NPAS3: variants seen among roughly 807,000 people sequenced by gnomAD.
NPAS3 encodes the protein neuronal PAS domain protein 3.
A neutral mutation model predicts 73.1 loss-of-function variants in NPAS3; 14 were observed. The ratio of observed to expected loss-of-function variants is 0.19; its 90% confidence interval spans 0.13 to 0.30. NPAS3 has a LOEUF of 0.30. NPAS3 is among the 10% of genes least tolerant of loss of function. The pLI is 1.00. For synonymous variants in NPAS3, 620 were observed against 541.5 expected, an observed-to-expected ratio of 1.14 and a Z score of -2.01; for missense variants, 1,096 against 1,250.0, an observed-to-expected ratio of 0.88 and a Z score of 1.86.
At chr14:33,746,450 G>A (rs2061800148) in intron 7 of NPAS3, among the ~76,000 whole-genome samples, 1 of 150,138 alleles carries the variant, frequency 6.7e-6, no homozygotes, top group Admixed American at 6.6e-5. Flanking sequence ...GCCTCCCAAA[G>A]TGCTAGGATT....
At chr14:33,692,232 G>A (rs1295753844) in intron 6 of NPAS3, among the ~76,000 whole-genome samples, 2 of 152,154 alleles carry the variant, frequency 1.3e-5, no homozygotes, top group African/African-American at 4.8e-5. Flanking sequence ...CTGAAGTGAG[G>A]TGGAAAAGAG....
chr14:33,435,838 T>A (rs897775291), intron 4 of NPAS3, among the ~76,000 whole-genome samples: 3 of 152,030 alleles, frequency 2.0e-5, no homozygotes, highest in African/African-American at 7.3e-5. Context: ...CATGATCATC[T>A]TCATCATCAT....
At chr14:33,607,171 G>A (rs1008002649) in intron 5 of NPAS3, among the ~76,000 whole-genome samples, 1 of 152,098 alleles carries the variant, frequency 6.6e-6, no homozygotes, top group Non-Finnish European at 1.5e-5. Context: ...CCACTCCTAG[G>A]TATTTAAGAG....
intron 4 of NPAS3, among the ~76,000 whole-genome samples, chr14:33,529,062 A>G (rs2053927199): frequency 1.3e-5 from 2 of 152,126 alleles, no homozygotes; most frequent in Non-Finnish European, 2.9e-5. Flanking sequence ...ACACAGCTAA[A>G]CAAGGTAAAA....
Position 33,301,323 on chromosome 14 carries a change from T to TATATATATATATA in NPAS3, c.386-65863_386-65862insATATATATATATA, listed in dbSNP as rs1555370644. ...TTTTATCATTATATATATATATATA[T>TATATATATATATA]TTTTTTTTTTTAAATCTAGCTGTAA... On this transcript the variant is annotated intron_variant, in intron 3 of 11. Transcript: ENST00000356141. 2.5e-4 allele frequency among the ~76,000 whole-genome samples: 20 copies of TATATATATATATA among 81,528 alleles called. 1 individual carries two copies. The highest frequency in any genetic ancestry group is 4.2e-4 in the Admixed American group (3 of 7,068). 53.5% of individuals were successfully genotyped at this position (81,528 alleles called of 152,430 possible).
rs145315567 is a variant in NPAS3, at chr14:33,253,209, A to G, written c.385+37783A>G. Among the ~76,000 whole-genome samples, 701 of 152,204 alleles carry G rather than the reference A, an allele frequency of 4.6e-3. 3 individuals are homozygous for G. The highest frequency in any genetic ancestry group is 0.016 in the African/African-American group (655 of 41,536). On this transcript the variant is annotated intron_variant, in intron 3 of 11. Transcript: ENST00000356141. ...TTGAGAAGTCTTCATGCTGTTTTCC[A>G]TAGAGGCTGAACTAATTTACATTCT...
chr14:33,524,457 A>T (rs2053700994), intron 4 of NPAS3, among the ~76,000 whole-genome samples: 1 of 152,180 alleles, frequency 6.6e-6, no homozygotes, highest in African/African-American at 2.4e-5. Flanking sequence ...TAATTTTTAC[A>T]AAAGAGGAAA....
upstream of NPAS3, among the ~76,000 whole-genome samples, chr14:32,938,399 A>G (rs961824521): frequency 1.3e-5 from 2 of 150,420 alleles, no homozygotes; most frequent in Non-Finnish European, 3.0e-5. Context: ...AGTGTTTGAA[A>G]CTGCAACTGA....
intron 2 of NPAS3, among the ~76,000 whole-genome samples, chr14:33,209,981 A>G (rs1021413648): frequency 5.3e-5 from 8 of 152,216 alleles, no homozygotes; most frequent in African/African-American, 1.9e-4. Flanking sequence ...GTTGATTAAA[A>G]TATGACTATG....
At chr14:32,956,386 A>G (rs918685339) in intron 1 of NPAS3, among the ~76,000 whole-genome samples, 1 of 152,170 alleles carries the variant, frequency 6.6e-6, no homozygotes, top group Non-Finnish European at 1.5e-5. Flanking sequence ...AAATCTTTGC[A>G]CTGAAAATAT....
intron 2 of NPAS3, among the ~76,000 whole-genome samples, chr14:33,160,412 G>T (rs1169855529): frequency 3.4e-5 from 5 of 145,450 alleles, no homozygotes; most frequent in African/African-American, 1.3e-4. Flanking sequence ...AAAAAACTCT[G>T]AATTAATAGT....
At chr14:33,593,011 G>A (rs569300064) in intron 5 of NPAS3, among the ~76,000 whole-genome samples, 2 of 152,200 alleles carry the variant, frequency 1.3e-5, no homozygotes, top group East Asian at 1.9e-4. Context: ...CTCGTAGAAG[G>A]TAAAGCTTGT....
chr14:33,339,518 C>T (rs2044375051), intron 3 of NPAS3, among the ~76,000 whole-genome samples: 1 of 152,196 alleles, frequency 6.6e-6, no homozygotes, highest in African/African-American at 2.4e-5. Flanking sequence ...GTTTATGCTA[C>T]ATAGTCTATA....
At chr14:33,444,054 G>A (rs1472381788) in intron 4 of NPAS3, among the ~76,000 whole-genome samples, 3 of 152,130 alleles carry the variant, frequency 2.0e-5, no homozygotes, top group Admixed American at 6.5e-5. Context: ...TTCCATTTTA[G>A]TAGAAGAAAT....
intron 1 of NPAS3, among the ~76,000 whole-genome samples, chr14:33,011,006 A>T (rs2039175560): frequency 6.6e-6 from 1 of 152,066 alleles, no homozygotes; most frequent in Non-Finnish European, 1.5e-5. Flanking sequence ...TTTAAGAAAG[A>T]CTAATAATTA....
chr14:33,447,210 A>G (rs1359902126), intron 4 of NPAS3, among the ~76,000 whole-genome samples: 1 of 152,252 alleles, frequency 6.6e-6, no homozygotes, highest in Non-Finnish European at 1.5e-5. Flanking sequence ...TGCAGAGGAT[A>G]GTACTTGTAA....
chr14:33,593,584 A>C (rs2139957860), intron 5 of NPAS3, among the ~76,000 whole-genome samples: 1 of 152,338 alleles, frequency 6.6e-6, no homozygotes, highest in African/African-American at 2.4e-5. Flanking sequence ...AATGGGCAAC[A>C]ATAGGAGTCC....
chr14:32,971,239 C>T (rs1377915462), intron 1 of NPAS3, among the ~76,000 whole-genome samples: 4 of 152,030 alleles, frequency 2.6e-5, no homozygotes, highest in African/African-American at 9.7e-5. Flanking sequence ...CATGCGCCAC[C>T]ATGCCTGGCT....
intron 1 of NPAS3, among the ~76,000 whole-genome samples, chr14:33,016,313 A>G (rs2039390396): frequency 6.6e-6 from 1 of 152,160 alleles, no homozygotes; most frequent in South Asian, 2.1e-4. Flanking sequence ...CACTTGGCCC[A>G]TGGTAGATAA....
Sources: gnomAD v4.1 joint callset for allele counts (sites outside exome capture counted in the v4.1 genomes callset) on GRCh38, gnomAD v4.1.1 for gene constraint, MANE v1.5 for transcripts, NCBI Gene and HGNC (gene_info 2026-07-23, HGNC 2026-07-21) for gene names.